The following FMN2 variants were observed in gnomAD, a reference collection of about 807,000 sequenced individuals.
The protein encoded by FMN2 is formin-2.
Under a neutral mutation model 142.3 loss-of-function variants are expected in FMN2, and 51 were observed. The ratio of observed to expected loss-of-function variants is 0.36; its 90% CI spans 0.29 to 0.45. FMN2 has a LOEUF of 0.45. Among genes scored for constraint, FMN2 ranks in the 20% least tolerant of loss-of-function variants. FMN2 has a pLI of 1.00. For missense variants in FMN2, 1,936 were observed against 2,122.8 expected, an observed-to-expected ratio of 0.91 and a Z score of 1.73; for synonymous variants, 882 against 869.8, an observed-to-expected ratio of 1.01 and a Z score of -0.25.
At chr1:240,443,218 T>C (rs1287480938) in intron 16 of FMN2, among the ~76,000 whole-genome samples, 1 of 152,084 alleles carries the variant, frequency 6.6e-6, no homozygotes, top group African/African-American at 2.4e-5. Context: ...TGTTTGAAAA[T>C]GTTCATGTAA....
chr1:240,094,685 G>A (rs1461292382), intron 1 of FMN2, among the ~76,000 whole-genome samples: 2 of 151,990 alleles, frequency 1.3e-5, no homozygotes, highest in African/African-American at 2.4e-5. Context: ...TTAATGAATC[G>A]AAAAATATGA....
rs1256039652 is a variant in FMN2 at position 240,123,182 on chromosome 1, G to A, written c.1619G>A (p.Arg540Gln). Reference sequence around the variant, plus strand: ...AATGACTGTGTTTCATCTGCAGGGCGAACGCTGTTGGAGAAGCTGTTCAGC... The same window carrying A: ...AATGACTGTGTTTCATCTGCAGGGCAAACGCTGTTGGAGAAGCTGTTCAGC... The part of the protein sequence containing the change: ...ADGFQNVFTG[R>Q]TLLEKLFSQQ... The change falls in exon 2 of 18, where the codon CGA becomes CAA. Residue 540 changes from arginine (R) to glutamine (Q), a missense_variant. Arg to Gln is a conservative substitution (Grantham distance 43). Around this residue, in one of 8 missense-constraint regions of FMN2, gnomAD observed 751 missense variants for 791.8 expected, o/e 0.95. Transcript: ENST00000319653. The A allele has an allele frequency of 3.7e-6, 6 of 1,614,010 alleles. No individual in the cohort carries two copies. Among genetic ancestry groups the A allele is most frequent in the South Asian group, 2.2e-5 (2 of 91,074 alleles).
chr1:240,350,743 T>C (rs1672069839), intron 13 of FMN2, among the ~76,000 whole-genome samples: 1 of 152,142 alleles, frequency 6.6e-6, no homozygotes, highest in Non-Finnish European at 1.5e-5. Context: ...AAAAGGGAGA[T>C]GCAAAGTTGA....
intron 2 of FMN2, among the ~76,000 whole-genome samples, chr1:240,176,468 CAA>C (rs761403537): frequency 1.3e-5 from 2 of 152,154 alleles, no homozygotes; most frequent in Admixed American, 1.3e-4. Flanking sequence ...TGGCAACAGG[CAA>C]AGAGACATCC....
intron 2 of FMN2, among the ~76,000 whole-genome samples, chr1:240,132,708 T>G (rs1662787931): frequency 6.6e-6 from 1 of 152,050 alleles, no homozygotes; most frequent in Admixed American, 6.6e-5. Context: ...TGATACGGGC[T>G]TTGGAAGTGG....
chr1:240,421,758 T>G (rs145571091), intron 15 of FMN2, among the ~76,000 whole-genome samples: 180 of 152,244 alleles, frequency 1.2e-3, no homozygotes, highest in Non-Finnish European at 2.1e-3. Context: ...CAAGACATTT[T>G]ATCTCATATT....
intron 4 of FMN2, among the ~76,000 whole-genome samples, chr1:240,204,974 G>C (rs537972461): frequency 7.2e-5 from 11 of 152,292 alleles, no homozygotes; most frequent in African/African-American, 2.6e-4. Flanking sequence ...CTTGGATCCA[G>C]AGTTTAACCT....
At chr1:240,303,456 T>C (rs1670275646) in intron 8 of FMN2, among the ~76,000 whole-genome samples, 1 of 152,230 alleles carries the variant, frequency 6.6e-6, no homozygotes, top group African/African-American at 2.4e-5. Flanking sequence ...AACTTTATTT[T>C]GTTTCAGTAC....
chr1:240,144,799 G>T (rs1308624443), intron 2 of FMN2: 2 of 1,432,608 alleles, frequency 1.4e-6, no homozygotes, highest in South Asian at 1.1e-5. Context: ...TGTTGTAGGG[G>T]ACGATTTCCT....
At chr1:240,175,063 G>A (rs1195355381) in intron 2 of FMN2, among the ~76,000 whole-genome samples, 1 of 152,164 alleles carries the variant, frequency 6.6e-6, no homozygotes, top group African/African-American at 2.4e-5. Context: ...TACCTCATAT[G>A]GGTAGAATCA....
chr1:240,402,527 AT>A (rs2103112646), intron 15 of FMN2, among the ~76,000 whole-genome samples: 1 of 152,380 alleles, frequency 6.6e-6, no homozygotes, highest in East Asian at 1.9e-4. Context: ...TCTTCAGATG[AT>A]TTCACTGGGC....
intron 8 of FMN2, among the ~76,000 whole-genome samples, chr1:240,307,352 T>G (rs1032652019): frequency 6.6e-6 from 1 of 152,242 alleles, no homozygotes; most frequent in Non-Finnish European, 1.5e-5. Flanking sequence ...TTCCTAGCTT[T>G]TCTCCCAGAG....
intron 4 of FMN2, among the ~76,000 whole-genome samples, chr1:240,198,088 C>A (rs1665982143): frequency 6.6e-6 from 1 of 152,208 alleles, no homozygotes; most frequent in Non-Finnish European, 1.5e-5. Flanking sequence ...ATCCATAGAT[C>A]ATTCAAGGAA....
chr1:240,185,458 A>G (rs1665402057), intron 3 of FMN2, among the ~76,000 whole-genome samples: 1 of 152,196 alleles, frequency 6.6e-6, no homozygotes, highest in South Asian at 2.1e-4. Context: ...ACTATAATGA[A>G]AGGGATGGGA....
intron 14 of FMN2, among the ~76,000 whole-genome samples, chr1:240,373,058 C>T: frequency 6.6e-6 from 1 of 152,068 alleles, no homozygotes; most frequent in East Asian, 1.9e-4. Flanking sequence ...GTGGTGCACA[C>T]CTGTAATCCC....
chr1:240,459,717 T>TAAAAAAAAA lies in FMN2; in HGVS notation c.5061-12625_5061-12617dup, dbSNP rs57065226. The stretch of plus-strand genomic sequence containing the variant: ...GGGTGACAGAACAAGACTCTGTCTC[T>TAAAAAAAAA]AAAAAAAAAAAAAAAAAAAAAAAAA... On this transcript the variant is annotated intron_variant, in intron 16 of 17. Coordinates refer to ENST00000319653, the MANE Select transcript of FMN2 (RefSeq NM_020066.5). Among the ~76,000 whole-genome samples the TAAAAAAAAA allele has an allele frequency of 1.1e-3, 75 of 67,128 alleles. 4 individuals are homozygous for TAAAAAAAAA. Among genetic ancestry groups the TAAAAAAAAA allele is most frequent in the African/African-American group, 1.6e-3 (31 of 19,486 alleles). 44.0% of individuals were successfully genotyped at this position (67,128 alleles called of 152,430 possible).
chr1:240,340,546 A>C (rs1671711927), intron 13 of FMN2, among the ~76,000 whole-genome samples: 1 of 152,108 alleles, frequency 6.6e-6, no homozygotes, highest in Non-Finnish European at 1.5e-5. Flanking sequence ...GTACCACTGC[A>C]CTCCAGCCTG....
At chr1:240,217,173 A>C (rs965298697) in intron 6 of FMN2, among the ~76,000 whole-genome samples, 1 of 152,230 alleles carries the variant, frequency 6.6e-6, no homozygotes, top group Non-Finnish European at 1.5e-5. Flanking sequence ...TGCTATGAAA[A>C]GGAAAAAGAG....
At chr1:240,223,944 G>A (rs766814494) in intron 6 of FMN2, among the ~76,000 whole-genome samples, 21 of 152,034 alleles carry the variant, frequency 1.4e-4, no homozygotes, top group Non-Finnish European at 2.2e-4. Context: ...TCCTGGATTC[G>A]TTGATTTTTT....
Sources: gnomAD v4.1 joint callset for allele counts (sites outside exome capture counted in the v4.1 genomes callset) on GRCh38, gnomAD v4.1.1 for gene constraint, gnomAD v4.1.1 regional missense constraint, MANE v1.5 for transcripts, NCBI Gene and HGNC (gene_info 2026-07-23, HGNC 2026-07-21) for gene names.